AGBL4: variants seen among roughly 807,000 people sequenced by gnomAD.
AGBL4 encodes cytosolic carboxypeptidase 6.
A neutral mutation model predicts 66.4 loss-of-function variants in AGBL4; 58 were observed. The ratio of observed to expected loss-of-function variants is 0.87; its 90% CI spans 0.71 to 1.09. AGBL4 has a LOEUF of 1.09. Ranked by LOEUF, AGBL4 falls within the 50% of genes least tolerant of loss-of-function variation. AGBL4 has a pLI of 0.00. For synonymous variants in AGBL4, 234 were observed against 222.9 expected, an observed-to-expected ratio of 1.05 and a Z score of -0.44; for missense variants, 579 against 631.0, an observed-to-expected ratio of 0.92 and a Z score of 0.88.
chr1:48,669,582 C>T (rs531481585), intron 6 of AGBL4, among the ~76,000 whole-genome samples: 9 of 152,306 alleles, frequency 5.9e-5, no homozygotes, highest in Admixed American at 3.3e-4. Flanking sequence ...TTGATTCAAA[C>T]TGGCCTCATC....
intron 4 of AGBL4, among the ~76,000 whole-genome samples, chr1:49,062,852 C>G (rs898364906): frequency 6.6e-6 from 1 of 152,206 alleles, no homozygotes; most frequent in East Asian, 1.9e-4. Context: ...CAGTGCCCAT[C>G]ATCTCCCTGT....
intron 1 of AGBL4, among the ~76,000 whole-genome samples, chr1:50,011,205 C>G (rs1413800770): frequency 6.6e-6 from 1 of 152,038 alleles, no homozygotes; most frequent in East Asian, 1.9e-4. Context: ...AGTCAGTAAT[C>G]TGATCAAAAA....
intron 6 of AGBL4, among the ~76,000 whole-genome samples, chr1:48,691,804 C>T (rs781264417): frequency 4.4e-4 from 67 of 152,172 alleles, no homozygotes; most frequent in Non-Finnish European, 7.8e-4. Flanking sequence ...CTCTCCCCTG[C>T]TCCTCTCAGA....
chr1:49,564,178 C>G (rs185159278), intron 3 of AGBL4, among the ~76,000 whole-genome samples: 4 of 151,726 alleles, frequency 2.6e-5, no homozygotes, highest in African/African-American at 9.7e-5. Flanking sequence ...TTTTTTATTG[C>G]GTCTATTTGA....
At chr1:49,644,287 T>C (rs1024269955) in intron 3 of AGBL4, among the ~76,000 whole-genome samples, 3 of 151,548 alleles carry the variant, frequency 2.0e-5, no homozygotes, top group Admixed American at 2.0e-4. Context: ...AGAGGCAACA[T>C]TGAACACAGA....
chr1:49,012,476 T>C (rs2149008786), intron 5 of AGBL4, among the ~76,000 whole-genome samples: 1 of 152,286 alleles, frequency 6.6e-6, no homozygotes, highest in African/African-American at 2.4e-5. Flanking sequence ...CATAAGAGCA[T>C]GTAGTTGTCA....
chr1:49,595,766 A>G (rs970985158), intron 3 of AGBL4, among the ~76,000 whole-genome samples: 52 of 152,348 alleles, frequency 3.4e-4, no homozygotes, highest in African/African-American at 1.2e-3. Context: ...AATAAAACCC[A>G]AAACACAAAT....
chr1:49,679,875 T>C (rs1413013113), intron 3 of AGBL4, among the ~76,000 whole-genome samples: 1 of 152,146 alleles, frequency 6.6e-6, no homozygotes, highest in African/African-American at 2.4e-5. Context: ...TGCTCTACCA[T>C]TTATAACACA....
intron 8 of AGBL4, 102 bp downstream of exon 8, chr1:48,653,235 G>T: frequency 1.1e-6 from 1 of 887,086 alleles, no homozygotes; most frequent in Non-Finnish European, 1.7e-6. Context: ...CTCATGGGCA[G>T]CCTCAAAATT....
chr1:48,588,959 G>A (rs559311950), intron 10 of AGBL4, among the ~76,000 whole-genome samples: 153 of 152,110 alleles, frequency 1.0e-3, no homozygotes, highest in Non-Finnish European at 8.1e-4. Flanking sequence ...CAGAAATAAG[G>A]CTGTCAGACT....
At position 49,794,027 on chromosome 1, in the gene AGBL4, T is replaced by C. The variant is rs74972809; in HGVS notation, c.157+57369A>G. 2.6e-3 allele frequency among the ~76,000 whole-genome samples: 395 copies of C among 152,070 alleles called. 5 individuals are homozygous for C. Among genetic ancestry groups the C allele is most frequent in the African/African-American group, 8.9e-3 (371 of 41,560 alleles). On this transcript the variant is annotated intron_variant, in intron 2 of 13. Coordinates refer to ENST00000371839, the MANE Select transcript of AGBL4 (RefSeq NM_032785.4). Reference sequence around the variant, plus strand: ...TTAAATTTAGCCACATGATGATCACTGATGACTTTGAAAAGAACATTTTCA... The same window carrying C: ...TTAAATTTAGCCACATGATGATCACCGATGACTTTGAAAAGAACATTTTCA...
chr1:48,988,915 G>T (rs1414137547), intron 5 of AGBL4, among the ~76,000 whole-genome samples: 1 of 152,138 alleles, frequency 6.6e-6, no homozygotes, highest in African/African-American at 2.4e-5. Context: ...GCCTTTCATT[G>T]TGTTGATGGA....
At chr1:49,682,913 AG>A (rs1227001622) in intron 3 of AGBL4, among the ~76,000 whole-genome samples, 1 of 152,222 alleles carries the variant, frequency 6.6e-6, no homozygotes, top group Non-Finnish European at 1.5e-5. Context: ...CTATGATTGA[AG>A]AAGATATGAT....
chr1:49,918,536 G>A (rs943375590), intron 1 of AGBL4, among the ~76,000 whole-genome samples: 3 of 152,066 alleles, frequency 2.0e-5, no homozygotes, highest in Admixed American at 6.5e-5. Context: ...ACTAAACCAG[G>A]AAGAAGTTGA....
chr1:49,317,510 A>T (rs1645061043), intron 3 of AGBL4, among the ~76,000 whole-genome samples: 1 of 151,896 alleles, frequency 6.6e-6, no homozygotes, highest in South Asian at 2.1e-4. Flanking sequence ...CCCAAAGTGC[A>T]TTCAATTCTA....
At chr1:48,978,483 C>T (rs1659511313) in intron 5 of AGBL4, among the ~76,000 whole-genome samples, 1 of 152,108 alleles carries the variant, frequency 6.6e-6, no homozygotes, top group African/African-American at 2.4e-5. Flanking sequence ...TCTTTATGTC[C>T]TCTCAGAGGT....
intron 3 of AGBL4, among the ~76,000 whole-genome samples, chr1:49,600,493 C>G (rs1232643991): frequency 1.3e-5 from 2 of 152,150 alleles, no homozygotes; most frequent in African/African-American, 2.4e-5. Flanking sequence ...TATTTTGAGC[C>G]TATGTGTGTC....
intron 1 of AGBL4, among the ~76,000 whole-genome samples, chr1:49,952,300 CAT>C (rs1258696732): frequency 6.6e-6 from 1 of 151,718 alleles, no homozygotes; most frequent in Non-Finnish European, 1.5e-5. Flanking sequence ...GCAATCATAA[CAT>C]GTAGTGGGGA....
At chr1:48,534,724 C>G (rs1372239505) in intron 13 of AGBL4, among the ~76,000 whole-genome samples, 166 bp downstream of exon 13, 1 of 152,106 alleles carries the variant, frequency 6.6e-6, no homozygotes, top group Non-Finnish European at 1.5e-5. Flanking sequence ...GACACTTTGC[C>G]CTAACATACT....
Sources: allele counts gnomAD v4.1 joint callset (sites outside exome capture counted in the v4.1 genomes callset), GRCh38; gene constraint gnomAD v4.1.1; transcripts MANE v1.5; gene names NCBI Gene and HGNC (gene_info 2026-07-23, HGNC 2026-07-21).